PDE7B: variants seen among roughly 807,000 people sequenced by gnomAD.
The protein encoded by PDE7B is phosphodiesterase 7B, also known as 3',5'-cyclic-AMP phosphodiesterase 7B.
In PDE7B, 29 loss-of-function variants were observed where a neutral mutation model predicts 56.2. The ratio of observed to expected loss-of-function variants is 0.52; its 90% confidence interval spans 0.38 to 0.70. PDE7B has a LOEUF of 0.70. Ranked by LOEUF, PDE7B falls within the 30% of genes least tolerant of loss-of-function variation. PDE7B has a pLI of 0.00. For missense variants in PDE7B, 490 were observed against 565.0 expected (o/e 0.87, Z 1.35); for synonymous variants, 197 against 196.9 (o/e 1.00, Z 0.00).
At chr6:136,088,297 G>GC (rs1167192085) in intron 2 of PDE7B, among the ~76,000 whole-genome samples, 2 of 152,158 alleles carry the variant, frequency 1.3e-5, no homozygotes, top group African/African-American at 4.8e-5. Context: ...AGAAGAGGCA[G>GC]CCCCACAAGG....
rs563290390 is a variant in PDE7B, at chr6:135,917,661, G to C, written c.22-29803G>C. Among the ~76,000 whole-genome samples the C allele has an allele frequency of 3.3e-5, 5 of 152,020 alleles. No homozygotes were observed. The South Asian group carries it at 1.0e-3, about 32-fold the overall frequency. ...ATTTTTCATTTCCTTTGCACATCCA[G>C]TAAAATTTTTTGATATGCTGGATAC... On this transcript the variant is annotated intron_variant, in intron 1 of 12. Transcript: ENST00000308191.
chr6:136,155,321 C>T (rs562640603), intron 7 of PDE7B, among the ~76,000 whole-genome samples: 2 of 152,182 alleles, frequency 1.3e-5, no homozygotes, highest in Non-Finnish European at 2.9e-5. Context: ...ACCTATCCAC[C>T]CAACAGCACT....
chr6:135,906,272 T>G (rs1776100819), intron 1 of PDE7B, among the ~76,000 whole-genome samples: 1 of 152,196 alleles, frequency 6.6e-6, no homozygotes, highest in Admixed American at 6.5e-5. Context: ...CAGAATGATT[T>G]GTGATATCTT....
intron 8 of PDE7B, among the ~76,000 whole-genome samples, chr6:136,158,380 T>C (rs528529119): frequency 2.0e-4 from 31 of 152,316 alleles, no homozygotes; most frequent in African/African-American, 5.1e-4. Flanking sequence ...AAATTATGCA[T>C]GCGCACATGC....
intron 1 of PDE7B, among the ~76,000 whole-genome samples, chr6:135,854,276 A>C (rs1173339828): frequency 6.6e-6 from 1 of 152,206 alleles, no homozygotes; most frequent in Non-Finnish European, 1.5e-5. Flanking sequence ...CCCAAAGAAT[A>C]CTAAAAGGGC....
intron 2 of PDE7B, among the ~76,000 whole-genome samples, chr6:136,015,056 C>T (rs1009280788): frequency 3.9e-5 from 6 of 152,202 alleles, no homozygotes; most frequent in Admixed American, 1.3e-4. Flanking sequence ...CAGACACGCA[C>T]ACAGAATTTT....
At chr6:136,002,712 T>C (rs577760282) in intron 2 of PDE7B, among the ~76,000 whole-genome samples, 1 of 152,126 alleles carries the variant, frequency 6.6e-6, no homozygotes. Context: ...AAGTCCCTAG[T>C]GACCTACAAA....
At chr6:135,855,725 A>T (rs1401059105) in intron 1 of PDE7B, among the ~76,000 whole-genome samples, 2 of 152,166 alleles carry the variant, frequency 1.3e-5, no homozygotes, top group Admixed American at 1.3e-4. Context: ...TGTAGGAGTT[A>T]TGGAAAGCTG....
intron 3 of PDE7B, among the ~76,000 whole-genome samples, chr6:136,120,633 C>T (rs1240148646): frequency 1.3e-5 from 2 of 152,112 alleles, no homozygotes; most frequent in Admixed American, 6.5e-5. Flanking sequence ...AACAACTTCT[C>T]GTTTCTCCAT....
intron 2 of PDE7B, among the ~76,000 whole-genome samples, chr6:135,997,405 C>T (rs1775584295): frequency 1.3e-5 from 1 of 76,984 alleles, no homozygotes; most frequent in African/African-American, 5.4e-5. Context: ...CAGAATGAGA[C>T]CCTGTCTCAA....
intron 2 of PDE7B, among the ~76,000 whole-genome samples, chr6:135,957,725 G>A (rs1236740633): frequency 2.6e-5 from 4 of 152,102 alleles, no homozygotes; most frequent in Non-Finnish European, 4.4e-5. Flanking sequence ...GATGAAGGTA[G>A]ACAAAATGTC....
intron 1 of PDE7B, among the ~76,000 whole-genome samples, chr6:135,858,447 C>T (rs1775080356): frequency 6.6e-6 from 1 of 152,208 alleles, no homozygotes; most frequent in Non-Finnish European, 1.5e-5. Flanking sequence ...GCCACCACGT[C>T]CAGCCTGAGT....
chr6:136,138,938 G>T (rs1193595544), intron 3 of PDE7B, among the ~76,000 whole-genome samples: 1 of 152,014 alleles, frequency 6.6e-6, no homozygotes, highest in African/African-American at 2.4e-5. Context: ...GAAAAGATTT[G>T]TTGGCTAGCT....
intron 12 of PDE7B, among the ~76,000 whole-genome samples, chr6:136,191,343 C>T (rs1183003193): frequency 2.6e-5 from 4 of 152,172 alleles, no homozygotes; most frequent in African/African-American, 9.7e-5. Flanking sequence ...GCCATTTCTC[C>T]TCACTGGTAC....
chr6:136,128,906 C>T (rs1253051877), intron 3 of PDE7B, among the ~76,000 whole-genome samples: 4 of 152,156 alleles, frequency 2.6e-5, no homozygotes, highest in Non-Finnish European at 5.9e-5. Flanking sequence ...AAAGCCACCA[C>T]CCCATGACTT....
chr6:135,941,787 A>G (rs1241136408), intron 1 of PDE7B, among the ~76,000 whole-genome samples: 1 of 152,216 alleles, frequency 6.6e-6, no homozygotes, highest in Non-Finnish European at 1.5e-5. Context: ...ACACTCAGGC[A>G]AACCTCCAAG....
chr6:135,894,430 C>T (rs1395956580), intron 1 of PDE7B, among the ~76,000 whole-genome samples: 2 of 152,164 alleles, frequency 1.3e-5, no homozygotes, highest in African/African-American at 4.8e-5. Flanking sequence ...ATTAGCCAAA[C>T]ACTTTTCCGT....
intron 3 of PDE7B, among the ~76,000 whole-genome samples, chr6:136,122,524 C>T (rs1369702188): frequency 2.0e-5 from 3 of 152,106 alleles, no homozygotes; most frequent in Admixed American, 2.0e-4. Flanking sequence ...TTACAATATG[C>T]TTTATAAAAA....
intron 1 of PDE7B, among the ~76,000 whole-genome samples, chr6:135,883,384 GA>G (rs2128189070): frequency 6.6e-6 from 1 of 152,242 alleles, no homozygotes; most frequent in South Asian, 2.1e-4. Flanking sequence ...AAAGTTAAGT[GA>G]GGACTGTCTC....
Sources: allele counts gnomAD v4.1 joint callset (sites outside exome capture counted in the v4.1 genomes callset), GRCh38; gene constraint gnomAD v4.1.1; transcripts MANE v1.5; gene names NCBI Gene and HGNC (gene_info 2026-07-23, HGNC 2026-07-21).